The following HRH4 variants were observed in gnomAD, a reference collection of about 807,000 sequenced individuals.
HRH4 encodes histamine receptor H4.
Under a neutral mutation model 10.4 loss-of-function variants are expected in HRH4, and 12 were observed. That is an observed-to-expected ratio of 1.15 (90% CI 0.74 to 1.87). The LOEUF (loss-of-function observed/expected upper bound fraction) is 1.87. Ranked by LOEUF, HRH4 falls within the 40% of genes most tolerant of loss-of-function variation. HRH4 has a pLI of 0.00. For missense variants in HRH4, 415 were observed against 453.3 expected (o/e 0.92, Z 0.77); for synonymous variants, 154 against 166.6 (o/e 0.92, Z 0.58).
At chr18:24,467,699 A>T (rs898260575) in intron 1 of HRH4, among the ~76,000 whole-genome samples, 3 of 152,066 alleles carry the variant, frequency 2.0e-5, no homozygotes, top group Non-Finnish European at 4.4e-5. Context: ...GTGCACCACC[A>T]TGCCCAGCTA....
intron 2 of HRH4, among the ~76,000 whole-genome samples, chr18:24,470,957 A>G (rs1443585377): frequency 1.3e-5 from 2 of 150,190 alleles, no homozygotes; most frequent in African/African-American, 4.9e-5. Flanking sequence ...GTAGTGCAGA[A>G]TCACACAGTC....
Position 24,468,882 on chromosome 18 carries a change from G to T in HRH4, c.288G>T (p.Leu96=). The T allele has an allele frequency of 1.2e-6, 2 of 1,613,714 alleles. No homozygotes were observed. Among genetic ancestry groups the T allele is most frequent in the Non-Finnish European group, 8.5e-7 (1 of 1,179,660 alleles). ...TATTTTGGCTCACTACTGACTATCT[G>T]TTATGTACAGCATCTGTATATAACA... ...ICVFWLTTDY[L]LCTASVYNIV... Residue 96 remains leucine (L), a synonymous_variant, in exon 2 of 3, where the codon CTG becomes CTT. Coordinates refer to ENST00000256906, the MANE Select transcript of HRH4 (RefSeq NM_021624.4).
chr18:24,472,173 G>T (rs989993064), intron 2 of HRH4, among the ~76,000 whole-genome samples: 3 of 152,176 alleles, frequency 2.0e-5, no homozygotes, highest in Non-Finnish European at 4.4e-5. Context: ...AGCCTCCTGA[G>T]TAGCTGGGAT....
At chr18:24,461,244 A>ATTTTTAGGC (rs1909629598) in intron 1 of HRH4, among the ~76,000 whole-genome samples, 2 of 152,172 alleles carry the variant, frequency 1.3e-5, no homozygotes, top group Non-Finnish European at 2.9e-5. Context: ...GTTTAGGCTT[A>ATTTTTAGGC]TAAGTATTCC....
intron 1 of HRH4, among the ~76,000 whole-genome samples, chr18:24,463,687 C>T (rs980429759): frequency 1.3e-5 from 2 of 152,118 alleles, no homozygotes; most frequent in African/African-American, 4.8e-5. Context: ...GGCTGAATGC[C>T]CTCTTCCCCC....
chr18:24,460,948 AGTCTTTTCCGAT>A, intron 1 of HRH4, 27 bp downstream of exon 1: 1 of 1,390,160 alleles, frequency 7.2e-7, no homozygotes, highest in Non-Finnish European at 9.8e-7. Flanking sequence ...TATTTAAGAC[AGTCTTTTCCGAT>A]TTTAATTTAT....
intron 1 of HRH4, among the ~76,000 whole-genome samples, chr18:24,464,922 G>A (rs1909734618): frequency 6.6e-6 from 1 of 152,110 alleles, no homozygotes; most frequent in Non-Finnish European, 1.5e-5. Flanking sequence ...AAAATGCAGA[G>A]AGGAGGGAAA....
In HRH4 at chr18:24,476,754, A is replaced by G. The variant is rs892168399; in HGVS notation, c.365A>G (p.Tyr122Cys). Reference protein sequence around the residue: ...RYLSVSNAVSYRTQHTGVLKI... With the variant: ...RYLSVSNAVSCRTQHTGVLKI... Reference sequence around the variant, plus strand: ...TAATTTGGTTTCTTCTAGGTGTCTTATAGAACTCAACATACTGGGGTCTTG... The same window carrying G: ...TAATTTGGTTTCTTCTAGGTGTCTTGTAGAACTCAACATACTGGGGTCTTG... Residue 122 changes from tyrosine to cysteine, a missense_variant, in exon 3 of 3, where the codon TAT becomes TGT. Coordinates refer to ENST00000256906, the MANE Select transcript of HRH4 (RefSeq NM_021624.4). 6.2e-7 allele frequency: 1 copy of G among 1,612,732 alleles called. No homozygotes were observed. The highest frequency in any genetic ancestry group is 8.5e-7 in the Non-Finnish European group (1 of 1,179,142).
chr18:24,467,380 G>A (rs1179766382), intron 1 of HRH4, among the ~76,000 whole-genome samples: 1 of 152,164 alleles, frequency 6.6e-6, no homozygotes, highest in Admixed American at 6.5e-5. Context: ...AAAGTAGAAT[G>A]TAATTAATGC....
At position 24,477,469 on chromosome 18, in the gene HRH4, G is replaced by T; in HGVS notation, c.1080G>T (p.Leu360Phe). ...TTGTCAATCCTCTTTTGTATCCATT[G>T]TGTCACAAGCGCTTTCAAAAGGCTT... The part of the protein sequence containing the change: ...NSFVNPLLYP[L>F]CHKRFQKAFL... Residue 360 changes from leucine to phenylalanine, a missense_variant, in exon 3 of 3, where the codon TTG becomes TTT. Coordinates refer to ENST00000256906, the MANE Select transcript of HRH4 (RefSeq NM_021624.4). 2 of 1,613,902 alleles carry T rather than the reference G, an allele frequency of 1.2e-6. No individual in the cohort carries two copies. Among genetic ancestry groups the T allele is most frequent in the Non-Finnish European group, 1.7e-6 (2 of 1,179,900 alleles).
At position 24,479,549 on chromosome 18, in the gene HRH4, A is replaced by G. The variant is rs1343602900; in HGVS notation, c.*1987A>G. Reference sequence around the variant, plus strand: ...CTGCAGCCCTGACTGCCTAGGCTCCAGCAATCTTCTTACGTCAGCCTCCAG... The same window carrying G: ...CTGCAGCCCTGACTGCCTAGGCTCCGGCAATCTTCTTACGTCAGCCTCCAG... On this transcript the variant is annotated 3_prime_UTR_variant, in exon 3 of 3. Coordinates refer to ENST00000256906, the MANE Select transcript of HRH4 (RefSeq NM_021624.4). 1 of 152,244 alleles carries G rather than the reference A, an allele frequency of 6.6e-6. No homozygotes were observed. The highest frequency in any genetic ancestry group is 1.5e-5 in the Non-Finnish European group (1 of 68,048). 9.4% of individuals were successfully genotyped at this position (152,244 alleles called of 1,614,324 possible).
chr18:24,466,708 T>A (rs1049161701), intron 1 of HRH4, among the ~76,000 whole-genome samples: 1 of 152,176 alleles, frequency 6.6e-6, no homozygotes, highest in African/African-American at 2.4e-5. Context: ...CCTTTCCTTT[T>A]CCTTTAACTT....
At position 24,478,846 on chromosome 18, in the gene HRH4, A is replaced by C. The variant is rs939599961; in HGVS notation, c.*1284A>C. 6.6e-6 allele frequency: 1 copy of C among 152,044 alleles called. No individual in the cohort carries two copies. The highest frequency in any genetic ancestry group is 2.4e-5 in the African/African-American group (1 of 41,394). 9.4% of individuals were successfully genotyped at this position (152,044 alleles called of 1,614,324 possible). A position where few individuals can be genotyped will look rare whatever the true frequency, so the allele number is the denominator to read the frequency against. ...CGCCACCACACCTGGATAATTAAAAAATTATTTCTGTAGAGATGAAGTCTC... is the reference window on the plus strand; with the variant it reads ...CGCCACCACACCTGGATAATTAAAACATTATTTCTGTAGAGATGAAGTCTC... On this transcript the variant is annotated 3_prime_UTR_variant, in exon 3 of 3. Coordinates refer to ENST00000256906, the MANE Select transcript of HRH4 (RefSeq NM_021624.4).
Position 24,476,890 on chromosome 18 carries a change from A to AT in HRH4, c.508dup (p.Ser170PhefsTer36), listed in dbSNP as rs747889390. 1.9e-6 allele frequency: 3 copies of AT among 1,613,876 alleles called. No individual in the cohort carries two copies. Among genetic ancestry groups the AT allele is most frequent in the Non-Finnish European group, 1.7e-6 (2 of 1,180,020 alleles). On this transcript the variant is annotated frameshift_variant, in exon 3 of 3. Transcript: ENST00000256906. LOFTEE classifies it low-confidence loss of function (END_TRUNC). Reference sequence around the variant, plus strand: ...ATGAAGGTAGTGAATGTGAACCTGGATTTTTTTCGGAATGGTACATCCTTG... The same window carrying AT: ...ATGAAGGTAGTGAATGTGAACCTGGATTTTTTTTCGGAATGGTACATCCTTG...
chr18:24,471,028 A>G (rs749330589), intron 2 of HRH4, among the ~76,000 whole-genome samples: 1 of 151,608 alleles, frequency 6.6e-6, no homozygotes, highest in African/African-American at 2.4e-5. Flanking sequence ...CCACAAAGGA[A>G]GCTGGGAAAC....
In HRH4 at chr18:24,479,576, G is replaced by T. The variant is rs982800500; in HGVS notation, c.*2014G>T. On this transcript the variant is annotated 3_prime_UTR_variant, in exon 3 of 3. Coordinates refer to ENST00000256906, the MANE Select transcript of HRH4 (RefSeq NM_021624.4). ...CAATCTTCTTACGTCAGCCTCCAGAGTAGCTGGGACCGCAGGCACTTGCCA... is the reference window on the plus strand; with the variant it reads ...CAATCTTCTTACGTCAGCCTCCAGATTAGCTGGGACCGCAGGCACTTGCCA... 6.6e-6 allele frequency: 1 copy of T among 152,336 alleles called. No individual in the cohort carries two copies. The highest frequency in any genetic ancestry group is 2.1e-4 in the South Asian group (1 of 4,830). 9.4% of individuals were successfully genotyped at this position (152,336 alleles called of 1,614,324 possible). A position where few individuals can be genotyped will look rare whatever the true frequency, so the allele number is the denominator to read the frequency against.
At chr18:24,476,261 T>C (rs557251572) in intron 2 of HRH4, among the ~76,000 whole-genome samples, 151 of 152,288 alleles carry the variant, frequency 9.9e-4, no homozygotes, top group African/African-American at 3.4e-3. Context: ...TATATATGTA[T>C]CTCTATTCCC....
chr18:24,471,606 C>CAAAAAAAAAAAAAAAAAAAAAAAAAA (rs60730879), intron 2 of HRH4, among the ~76,000 whole-genome samples: 1 of 51,396 alleles, frequency 1.9e-5, no homozygotes, highest in Non-Finnish European at 3.1e-5. Flanking sequence ...GACTCCATCT[C>CAAAAAAAAAAAAAAAAAAAAAAAAAA]AAAAAAAAAA....
chr18:24,468,749 T>C (rs775359482), intron 1 of HRH4, 39 bp from the exon 2 acceptor site: 1 of 1,563,692 alleles, frequency 6.4e-7, no homozygotes, highest in Non-Finnish European at 8.7e-7. Flanking sequence ...TGTTCATTGA[T>C]GTGCGCTATG....
Sources: allele counts gnomAD v4.1 joint callset (sites outside exome capture counted in the v4.1 genomes callset), GRCh38; gene constraint gnomAD v4.1.1; transcripts MANE v1.5; gene names NCBI Gene and HGNC (gene_info 2026-07-23, HGNC 2026-07-21).